The following OLFM2 variants were observed in gnomAD, a reference collection of about 807,000 sequenced individuals.
OLFM2 encodes the protein olfactomedin 2.
A neutral mutation model predicts 43.9 loss-of-function variants in OLFM2; 20 were observed. The ratio of observed to expected loss-of-function variants is 0.46; its 90% CI spans 0.32 to 0.66. The LOEUF (loss-of-function observed/expected upper bound fraction) is 0.66, where lower values mean the gene tolerates loss of function less well. Ranked by LOEUF, OLFM2 falls within the 30% of genes least tolerant of loss-of-function variation. OLFM2 has a pLI of 0.04. For missense variants in OLFM2, 416 were observed against 643.6 expected (o/e 0.65, Z 3.83); for synonymous variants, 268 against 278.6 (o/e 0.96, Z 0.38).
In OLFM2 at chr19:9,854,451, T is replaced by C; in HGVS notation, c.1100A>G (p.Lys367Arg). The C allele has an allele frequency of 6.2e-7, 1 of 1,614,158 alleles. No individual in the cohort carries two copies. The highest frequency in any genetic ancestry group is 8.5e-7 in the Non-Finnish European group (1 of 1,180,032). Residue 367 changes from lysine to arginine, a missense_variant, in exon 6 of 6, where the codon AAG becomes AGG. Coordinates refer to ENST00000264833, the MANE Select transcript of OLFM2 (RefSeq NM_058164.4). This position sits in a 1 kb window ranked among gnomAD's most constrained non-coding sequence, Gnocchi z 9.5. Reference sequence around the variant, plus strand: ...CATGAAGGCCTCGCCAGCGCTGCGCTTGGGGTAGCCGGTGTCCCAGGACCG... The same window carrying C: ...CATGAAGGCCTCGCCAGCGCTGCGCCTGGGGTAGCCGGTGTCCCAGGACCG... ...VMRSWDTGYPKRSAGEAFMIC... is the reference protein window; with the variant it reads ...VMRSWDTGYPRRSAGEAFMIC...
chr19:9,870,542 C>T (rs536564700), intron 1 of OLFM2, among the ~76,000 whole-genome samples: 9 of 152,298 alleles, frequency 5.9e-5, no homozygotes, highest in Admixed American at 2.0e-4. Flanking sequence ...AGGATGTAGG[C>T]GCACACTGCT....
At chr19:9,885,570 T>G (rs1449074355) in intron 1 of OLFM2, among the ~76,000 whole-genome samples, 4 of 152,128 alleles carry the variant, frequency 2.6e-5, no homozygotes, top group African/African-American at 9.7e-5. Flanking sequence ...TGCCCATGGC[T>G]TTTGGGAGCC....
At chr19:9,891,876 T>C (rs933620052) in intron 1 of OLFM2, among the ~76,000 whole-genome samples, 1 of 152,080 alleles carries the variant, frequency 6.6e-6, no homozygotes, top group Non-Finnish European at 1.5e-5. Context: ...CATGAGCAGG[T>C]AGCTATATAT....
intron 1 of OLFM2, among the ~76,000 whole-genome samples, chr19:9,883,498 C>T (rs1233010673): frequency 6.6e-6 from 1 of 152,004 alleles, no homozygotes; most frequent in Non-Finnish European, 1.5e-5. Flanking sequence ...TCAATCCTGG[C>T]TAAGCACTGA....
At chr19:9,909,713 A>G (rs1330921255) in intron 1 of OLFM2, among the ~76,000 whole-genome samples, 1 of 152,108 alleles carries the variant, frequency 6.6e-6, no homozygotes, top group Non-Finnish European at 1.5e-5. Flanking sequence ...ACCTTCCGAC[A>G]TCTCCTCCTA....
At chr19:9,894,486 G>A (rs1233040459) in intron 1 of OLFM2, among the ~76,000 whole-genome samples, 2 of 151,340 alleles carry the variant, frequency 1.3e-5, no homozygotes, top group Non-Finnish European at 1.5e-5. Flanking sequence ...GAGGCGGGCA[G>A]ATCACCTGAA....
chr19:9,916,732 C>T (rs182122309), intron 1 of OLFM2, among the ~76,000 whole-genome samples: 1 of 152,260 alleles, frequency 6.6e-6, no homozygotes. Context: ...GGTCTGTGCT[C>T]GAGTTTGCAC....
intron 1 of OLFM2, among the ~76,000 whole-genome samples, chr19:9,886,562 T>C (rs16996444): frequency 0.24 from 36,837 of 151,844 alleles, 4,886 homozygotes; most frequent in South Asian, 0.3. Context: ...TTCTGTCATT[T>C]CCACCTAAAT....
intron 1 of OLFM2, among the ~76,000 whole-genome samples, chr19:9,903,644 G>C (rs1310443156): frequency 2.0e-5 from 3 of 152,158 alleles, no homozygotes; most frequent in Non-Finnish European, 4.4e-5. Context: ...CTACTAATAA[G>C]CCTGATGTCC....
chr19:9,905,665 C>T (rs920880846), intron 1 of OLFM2, among the ~76,000 whole-genome samples: 1 of 151,808 alleles, frequency 6.6e-6, no homozygotes, highest in Non-Finnish European at 1.5e-5. Flanking sequence ...CCTTCTTGAG[C>T]CACTAGTGCT....
intron 1 of OLFM2, among the ~76,000 whole-genome samples, chr19:9,878,273 G>A (rs1001874935): frequency 2.0e-5 from 3 of 151,952 alleles, no homozygotes; most frequent in Non-Finnish European, 2.9e-5. Flanking sequence ...TAAGCAAATC[G>A]GTGCTGACTG....
chr19:9,854,471 G>C lies in OLFM2; in HGVS notation c.1080C>G (p.Ser360=). Residue 360 remains serine, a synonymous_variant, in exon 6 of 6, where the codon TCC becomes TCG. Coordinates refer to ENST00000264833, the MANE Select transcript of OLFM2 (RefSeq NM_058164.4). This position sits in a 1 kb window ranked among gnomAD's most constrained non-coding sequence, Gnocchi z 9.5. ...LDPHTLEVMR[S]WDTGYPKRSA... ...TGCGCTTGGGGTAGCCGGTGTCCCA[G>C]GACCGCATGACCTCGAGGGTGTGCG... 1 of 1,614,086 alleles carries C rather than the reference G, an allele frequency of 6.2e-7. No homozygotes were observed. Among genetic ancestry groups the C allele is most frequent in the Non-Finnish European group, 8.5e-7 (1 of 1,180,032 alleles).
rs36124685 is a variant in OLFM2 at position 9,919,176 on chromosome 19, C to CTTTTTTTT, written c.63+17120_63+17127dup. On this transcript the variant is annotated intron_variant, in intron 1 of 5. Transcript: ENST00000264833. ...ACGCAGTGAGACCTCATTTCTCTCT[C>CTTTTTTTT]TTTTTTTTGAGATGGAGTCTCGCTC... Among the ~76,000 whole-genome samples, 592 of 149,244 alleles carry CTTTTTTTT rather than the reference C, an allele frequency of 4.0e-3. 3 individuals carry two copies. Among genetic ancestry groups the CTTTTTTTT allele is most frequent in the Admixed American group, 7.5e-3 (112 of 14,996 alleles).
chr19:9,892,308 A>C (rs769809233), intron 1 of OLFM2, among the ~76,000 whole-genome samples: 1 of 152,180 alleles, frequency 6.6e-6, no homozygotes, highest in Non-Finnish European at 1.5e-5. Context: ...ATCAGAGTAC[A>C]TACAGCCAAC....
At chr19:9,883,968 T>C (rs538911133) in intron 1 of OLFM2, among the ~76,000 whole-genome samples, 4 of 152,070 alleles carry the variant, frequency 2.6e-5, no homozygotes, top group Admixed American at 6.6e-5. Context: ...ACACAGAGCT[T>C]AAAATCACAG....
intron 1 of OLFM2, among the ~76,000 whole-genome samples, chr19:9,897,429 T>C (rs1161186831): frequency 6.6e-6 from 1 of 151,368 alleles, no homozygotes; most frequent in African/African-American, 2.4e-5. Context: ...CCTAGGGAGG[T>C]TGAGGCTGCC....
At chr19:9,902,312 G>A (rs1449270503) in intron 1 of OLFM2, among the ~76,000 whole-genome samples, 1 of 151,578 alleles carries the variant, frequency 6.6e-6, no homozygotes, top group Non-Finnish European at 1.5e-5. Context: ...ACAGGCGTGA[G>A]CCACTGCGCC....
chr19:9,911,006 G>A (rs374598460), intron 1 of OLFM2, among the ~76,000 whole-genome samples: 39 of 152,094 alleles, frequency 2.6e-4, no homozygotes, highest in Non-Finnish European at 5.0e-4. Context: ...AAGGATGGGC[G>A]TAAAAACAGA....
intron 1 of OLFM2, among the ~76,000 whole-genome samples, chr19:9,864,787 C>CTTTTTT (rs34810133): frequency 1.0e-5 from 1 of 97,598 alleles, no homozygotes; most frequent in Non-Finnish European, 1.9e-5. Context: ...ACACACCCAG[C>CTTTTTT]TTTTTTTTTT....
Sources: allele counts gnomAD v4.1 joint callset (sites outside exome capture counted in the v4.1 genomes callset), GRCh38; gene constraint gnomAD v4.1.1; non-coding constraint Gnocchi (gnomAD v3.1); transcripts MANE v1.5; gene names NCBI Gene and HGNC (gene_info 2026-07-23, HGNC 2026-07-21).